The following SLC6A4 variants were observed in gnomAD, a reference collection of about 807,000 sequenced individuals.
The protein encoded by SLC6A4 is solute carrier family 6 member 4.
SLC6A4 carries 22 observed loss-of-function variants against 73.4 expected under a neutral mutation model. That is an observed-to-expected ratio of 0.30 (90% CI 0.21 to 0.43). The LOEUF (loss-of-function observed/expected upper bound fraction) is 0.43, where lower values mean the gene tolerates loss of function less well. SLC6A4 is among the 20% of genes least tolerant of loss of function. The pLI, the probability that SLC6A4 is intolerant of heterozygous loss-of-function variation, is 1.00. For missense variants in SLC6A4, 593 were observed against 808.5 expected, an observed-to-expected ratio of 0.73 and a Z score of 3.23; for synonymous variants, 270 against 315.5, an observed-to-expected ratio of 0.86 and a Z score of 1.53.
chr17:30,221,621 C>T lies in SLC6A4; in HGVS notation c.338G>A (p.Gly113Glu). Residue 113 changes from glycine to glutamate, a missense_variant, in exon 3 of 15, where the codon GGA becomes GAA. Physicochemically the swap from Gly to Glu is moderately conservative, Grantham distance 98. Coordinates refer to ENST00000650711, the MANE Select transcript of SLC6A4 (RefSeq NM_001045.6). ...TCGCAGCCTGTGATACTGACCCCCT[C>T]CATTCTGGTAACATATGTAGGGGAA... The part of the protein sequence containing the change: ...WRFPYICYQN[G>E]GGAFLLPYTI... The T allele has an allele frequency of 6.2e-7, 1 of 1,612,482 alleles. No individual in the cohort carries two copies. The highest frequency in any genetic ancestry group is 8.5e-7 in the Non-Finnish European group (1 of 1,178,588).
intron 8 of SLC6A4, 109 bp downstream of exon 8, chr17:30,215,502 G>T: frequency 1.1e-6 from 1 of 874,090 alleles, no homozygotes; most frequent in Non-Finnish European, 1.9e-6. Flanking sequence ...TGGTATCAAG[G>T]CCTAAGCCTG....
At chr17:30,210,786 A>G in intron 10 of SLC6A4, 140 bp from the exon 11 acceptor site, 1 of 841,318 alleles carries the variant, frequency 1.2e-6, no homozygotes, top group South Asian at 1.9e-5. Context: ...TCGCTGGACC[A>G]TGTAAGCATC....
intron 10 of SLC6A4, 60 bp from the exon 11 acceptor site, chr17:30,210,706 G>T (rs962483718): frequency 2.1e-5 from 32 of 1,552,470 alleles, no homozygotes; most frequent in Admixed American, 9.5e-5. Flanking sequence ...TGGCCTTCAG[G>T]ACAGTGAACA....
rs757337583 is a variant in SLC6A4, at chr17:30,222,068, C to T, written c.-110G>A. On this transcript the variant is annotated 5_prime_UTR_variant, in exon 3 of 15. The change creates a new upstream start codon in the 5' untranslated region. Transcript: ENST00000650711. ...GAGCTCTCTATCGTCGGGATTGACACGTCGGGATTGACTCTGTTGGAAAGA... is the reference window on the plus strand; with the variant it reads ...GAGCTCTCTATCGTCGGGATTGACATGTCGGGATTGACTCTGTTGGAAAGA... 2.0e-5 allele frequency: 32 copies of T among 1,572,522 alleles called. No homozygotes were observed. Among genetic ancestry groups the T allele is most frequent in the South Asian group, 3.5e-5 (3 of 86,544 alleles).
intron 12 of SLC6A4, 99 bp from the exon 13 acceptor site, chr17:30,207,931 G>A: frequency 3.7e-6 from 3 of 820,390 alleles, no homozygotes; most frequent in Non-Finnish European, 5.9e-6. Flanking sequence ...CACAGGATCA[G>A]CACTGGGAAT....
chr17:30,221,543 C>T (rs1442474736), intron 3 of SLC6A4, 73 bp downstream of exon 3: 4 of 1,391,852 alleles, frequency 2.9e-6, no homozygotes, highest in Non-Finnish European at 4.0e-6. Context: ...CACAGCCCAC[C>T]CCGGGTCACA....
intron 8 of SLC6A4, among the ~76,000 whole-genome samples, chr17:30,213,795 G>A (rs1906463318): frequency 6.6e-6 from 1 of 152,050 alleles, no homozygotes; most frequent in African/African-American, 2.4e-5. Context: ...TGCACAGGCT[G>A]AAGTGCAGTG....
At chr17:30,205,014 A>C (rs1906147166) in intron 13 of SLC6A4, among the ~76,000 whole-genome samples, 1 of 152,210 alleles carries the variant, frequency 6.6e-6, no homozygotes. Flanking sequence ...GCAGGAGCCA[A>C]AATCAAAATA....
rs1313057058 is a variant in SLC6A4 at position 30,215,621 on chromosome 17, T to C, written c.1066A>G (p.Asn356Asp). 3 of 1,613,590 alleles carry C rather than the reference T, an allele frequency of 1.9e-6. No individual in the cohort carries two copies. In the African/African-American group the frequency reaches 4.0e-5, roughly 22 times the overall value. The change falls in exon 8 of 15, where the codon AAC becomes GAC. Residue 356 changes from asparagine to aspartate, a missense_variant. Coordinates refer to ENST00000650711, the MANE Select transcript of SLC6A4 (RefSeq NM_001045.6). ...ACCCCAGATACTCACTGGTAGCAGT[T>C]GTTGTTGAACTTGTTGTAGCTAGCA... The part of the protein sequence containing the change: ...AFASYNKFNN[N>D]CYQDALVTSV...
intron 1 of SLC6A4, among the ~76,000 whole-genome samples, chr17:30,230,019 CA>C (rs1332972784): frequency 1.6e-5 from 2 of 128,274 alleles, no homozygotes; most frequent in Non-Finnish European, 3.3e-5. Flanking sequence ...AACTCCATCT[CA>C]AAAAAGAAGA....
Position 30,200,533 on chromosome 17 carries a change from C to T in SLC6A4, c.1819-2003G>A, listed in dbSNP as rs79319614. Among the ~76,000 whole-genome samples the T allele has an allele frequency of 3.3e-5, 5 of 152,282 alleles. No homozygotes were observed. The East Asian group carries it at 9.7e-4, about 29-fold the overall frequency. Reference sequence around the variant, plus strand: ...GTACCCTTCAAATTACACCAGTAAGCGGTGGCTCACTCCACAAACTCCAAC... The same window carrying T: ...GTACCCTTCAAATTACACCAGTAAGTGGTGGCTCACTCCACAAACTCCAAC... On this transcript the variant is annotated intron_variant, in intron 14 of 14. Transcript: ENST00000650711.
At position 30,222,057 on chromosome 17, in the gene SLC6A4, C is replaced by T. The variant is rs201766265; in HGVS notation, c.-99G>A. ...GGATCACCTCCGAGCTCTCTATCGT[C>T]GGGATTGACACGTCGGGATTGACTC... On this transcript the variant is annotated 5_prime_UTR_variant, in exon 3 of 15. Coordinates refer to ENST00000650711, the MANE Select transcript of SLC6A4 (RefSeq NM_001045.6). 6 of 1,587,496 alleles carry T rather than the reference C, an allele frequency of 3.8e-6. No individual in the cohort carries two copies. The highest frequency in any genetic ancestry group is 1.4e-5 in the African/African-American group (1 of 73,962).
intron 13 of SLC6A4, 77 bp downstream of exon 13, chr17:30,207,655 C>A (rs992247506): frequency 8.1e-6 from 8 of 984,614 alleles, no homozygotes; most frequent in Admixed American, 7.1e-5. Context: ...CCGTGCCCAG[C>A]CATTACAATT....
rs1462667829 is a variant in SLC6A4, at chr17:30,235,327, G to A, written c.-221+286C>T. ...TAAGGGGTCTTTCACGGGTCCTCAA[G>A]AGGTTGCAAAGCCCCTGCAACAATA... On this transcript the variant is annotated intron_variant, in intron 1 of 14. Transcript: ENST00000650711. The surrounding 1 kb of genome is among the most constrained non-coding windows in gnomAD (Gnocchi z 4.5). 6.6e-6 allele frequency among the ~76,000 whole-genome samples: 1 copy of A among 152,178 alleles called. No individual in the cohort carries two copies. Among genetic ancestry groups the A allele is most frequent in the Admixed American group, 6.5e-5 (1 of 15,280 alleles).
chr17:30,219,048 G>C (rs1407275958), intron 3 of SLC6A4, 117 bp from the exon 4 acceptor site: 17 of 1,216,132 alleles, frequency 1.4e-5, no homozygotes, highest in Non-Finnish European at 1.9e-5. Flanking sequence ...AGCCACCCTG[G>C]GCTGAGTGGC....
Position 30,235,374 on chromosome 17 carries a change from C to T in SLC6A4, c.-221+239G>A, listed in dbSNP as rs986845202. On this transcript the variant is annotated intron_variant, in intron 1 of 14. Coordinates refer to ENST00000650711, the MANE Select transcript of SLC6A4 (RefSeq NM_001045.6). The surrounding 1 kb of genome is among the most constrained non-coding windows in gnomAD (Gnocchi z 4.5). Reference sequence around the variant, plus strand: ...AATAGACAAAGGAGCCCCCTACGCCCGCCCACTTCGAGCACTCCACGTTCC... The same window carrying T: ...AATAGACAAAGGAGCCCCCTACGCCTGCCCACTTCGAGCACTCCACGTTCC... 6.6e-6 allele frequency among the ~76,000 whole-genome samples: 1 copy of T among 152,206 alleles called. No individual in the cohort carries two copies. The highest frequency in any genetic ancestry group is 6.5e-5 in the Admixed American group (1 of 15,290).
chr17:30,227,506 GAC>G (rs1221996762), intron 1 of SLC6A4, among the ~76,000 whole-genome samples: 1 of 151,976 alleles, frequency 6.6e-6, no homozygotes, highest in Admixed American at 6.6e-5. Context: ...TTTTTTAAGA[GAC>G]AGAGTCTTGC....
rs201899129 is a variant in SLC6A4 at position 30,203,153 on chromosome 17, C to T, written c.1818+19G>A. 4 of 1,593,142 alleles carry T rather than the reference C, an allele frequency of 2.5e-6. No homozygotes were observed. In the African/African-American group the frequency reaches 4.0e-5, roughly 16 times the overall value. On this transcript the variant is annotated intron_variant, in intron 14 of 14. Transcript: ENST00000650711. ...TTAGTAGTCTGAACACACACATATA[C>T]ACACTAACTAGCACGTACCTCTTTA...
In SLC6A4 at chr17:30,200,186, C is replaced by T. The variant is rs183736150; in HGVS notation, c.1819-1656G>A. Among the ~76,000 whole-genome samples, 52 of 152,356 alleles carry T rather than the reference C, an allele frequency of 3.4e-4. No homozygotes were observed. The East Asian group carries it at 9.8e-3, about 29-fold the overall frequency. Reference sequence around the variant, plus strand: ...TAAAGTCAAACACTTGGTTTTTGTGCCCTTACCTACCCACATGGGCTGCTG... The same window carrying T: ...TAAAGTCAAACACTTGGTTTTTGTGTCCTTACCTACCCACATGGGCTGCTG... On this transcript the variant is annotated intron_variant, in intron 14 of 14. Transcript: ENST00000650711.
Sources: allele counts gnomAD v4.1 joint callset (sites outside exome capture counted in the v4.1 genomes callset), GRCh38; gene constraint gnomAD v4.1.1; non-coding constraint Gnocchi (gnomAD v3.1); transcripts MANE v1.5; gene names NCBI Gene and HGNC (gene_info 2026-07-23, HGNC 2026-07-21).